The following CPAMD8 variants were observed in gnomAD, a reference collection of about 807,000 sequenced individuals.
CPAMD8 encodes C3 and PZP-like alpha-2-macroglobulin domain-containing protein 8.
Under a neutral mutation model 224.7 loss-of-function variants are expected in CPAMD8, and 146 were observed. The ratio of observed to expected loss-of-function variants is 0.65; its 90% CI spans 0.57 to 0.75. The LOEUF (loss-of-function observed/expected upper bound fraction) is 0.75, where lower values mean the gene tolerates loss of function less well. Ranked by LOEUF, CPAMD8 falls within the 30% of genes least tolerant of loss-of-function variation. The pLI is 0.00. For synonymous variants in CPAMD8, 966 were observed against 1,044.6 expected (o/e 0.92, Z 1.45); for missense variants, 2,301 against 2,537.5 (o/e 0.91, Z 2.00).
At position 16,899,704 on chromosome 19, in the gene CPAMD8, C is replaced by G. The variant is rs562657793; in HGVS notation, c.4774-155G>C. On this transcript the variant is annotated intron_variant, in intron 36 of 41. Transcript: ENST00000443236. This position sits in a 1 kb window ranked among gnomAD's most constrained non-coding sequence, Gnocchi z 5.4. The stretch of plus-strand genomic sequence containing the variant: ...GTCAGTGCTCCCCAGGCCCTGCCAG[C>G]CTCTCAGCACCCAGGAGAGGACGCT... Among the ~76,000 whole-genome samples, 10 of 152,152 alleles carry G rather than the reference C, an allele frequency of 6.6e-5. No individual in the cohort carries two copies. The highest frequency in any genetic ancestry group is 2.6e-4 in the Admixed American group (4 of 15,274).
chr19:16,947,152 T>A lies in CPAMD8; in HGVS notation c.2584A>T (p.Met862Leu), dbSNP rs1485485045. Residue 862 changes from methionine (M) to leucine (L), a missense_variant, in exon 21 of 42, where the codon ATG (methionine) becomes TTG (leucine). Around this residue, in one of 4 missense-constraint regions of CPAMD8, gnomAD observed 1,709 missense variants for 1,753.2 expected, o/e 0.97. Coordinates refer to ENST00000443236, the MANE Select transcript of CPAMD8 (RefSeq NM_015692.5). The part of the protein sequence containing the change: ...HPGKRHVTKK[M>L]CVAPGEAEPI... ...TCAGCCTCCCCGGGGGCCACACACA[T>A]CTTCTTGGTCACATGGCGTTTGCCA... is the stretch of plus-strand genomic sequence containing the variant. 21 of 1,613,808 alleles carry A rather than the reference T, an allele frequency of 1.3e-5. No individual in the cohort carries two copies. Among genetic ancestry groups the A allele is most frequent in the Non-Finnish European group, 1.8e-5 (21 of 1,179,824 alleles).
intron 19 of CPAMD8, among the ~76,000 whole-genome samples, chr19:16,955,832 A>G (rs1193096156): frequency 1.3e-5 from 2 of 151,946 alleles, no homozygotes; most frequent in African/African-American, 2.4e-5. Flanking sequence ...ATGTGCCACC[A>G]CACCTGGCTA....
At chr19:17,008,626 A>C in intron 6 of CPAMD8, 67 bp from the exon 7 acceptor site, 1 of 1,544,408 alleles carries the variant, frequency 6.5e-7, no homozygotes, top group Non-Finnish European at 9.0e-7. Context: ...TGCCCAATGT[A>C]AGGATTTTCC....
chr19:16,945,879 G>C (rs1568509861), intron 21 of CPAMD8, among the ~76,000 whole-genome samples, 200 bp from the exon 22 acceptor site: 1 of 152,186 alleles, frequency 6.6e-6, no homozygotes, highest in African/African-American at 2.4e-5. Context: ...ACAGGCTCAT[G>C]TGTGCATATG....
chr19:16,996,448 G>T (rs2056125727), intron 11 of CPAMD8, among the ~76,000 whole-genome samples: 1 of 152,144 alleles, frequency 6.6e-6, no homozygotes, highest in Non-Finnish European at 1.5e-5. Flanking sequence ...TGTCACATGG[G>T]TCTGCACCTG....
intron 24 of CPAMD8, among the ~76,000 whole-genome samples, chr19:16,928,624 G>A (rs964099148): frequency 6.6e-6 from 1 of 152,062 alleles, no homozygotes. Context: ...AGCTGTGTTA[G>A]CTTCTATATC....
chr19:16,942,209 CCCAGCACTTTGGGAGA>C (rs765389110), intron 22 of CPAMD8, among the ~76,000 whole-genome samples: 14 of 152,138 alleles, frequency 9.2e-5, no homozygotes, highest in Non-Finnish European at 1.5e-4. Context: ...TGCCTGTAAT[CCCAGCACTTTGGGAGA>C]CCGAGGCGGG....
Position 16,895,577 on chromosome 19 carries a change from G to C in CPAMD8, c.5426+599C>G, listed in dbSNP as rs2144672208. On this transcript the variant is annotated intron_variant, in intron 41 of 41. Transcript: ENST00000443236. ...CAGCTGGAAGGATCCTGTGCAGATGGGCTGTTTGTTGACTATGGTTGAGAT... is the reference window on the plus strand; with the variant it reads ...CAGCTGGAAGGATCCTGTGCAGATGCGCTGTTTGTTGACTATGGTTGAGAT... 1.4e-5 allele frequency: 4 copies of C among 293,490 alleles called. 1 individual carries two copies. The highest frequency in any genetic ancestry group is 1.2e-4 in the South Asian group (4 of 32,950). The allele number at this position is 293,490 out of a possible 1,614,324, so 18.2% of individuals were successfully genotyped here. A position where few individuals can be genotyped will look rare whatever the true frequency, so the allele number is the denominator to read the frequency against.
Position 16,954,176 on chromosome 19 carries a change from T to G in CPAMD8, c.2277-1976A>C, listed in dbSNP as rs191820594. Among the ~76,000 whole-genome samples the G allele has an allele frequency of 1.1e-3, 160 of 151,966 alleles. 1 individual carries two copies. The highest frequency in any genetic ancestry group is 3.7e-3 in the African/African-American group (153 of 41,430). On this transcript the variant is annotated intron_variant, in intron 19 of 41. Coordinates refer to ENST00000443236, the MANE Select transcript of CPAMD8 (RefSeq NM_015692.5). Reference sequence around the variant, plus strand: ...GGTGAAACCCCGTCTCTACTAAAAATACGAAAATTAGCCAGGTGTGGTGGT... The same window carrying G: ...GGTGAAACCCCGTCTCTACTAAAAAGACGAAAATTAGCCAGGTGTGGTGGT...
chr19:16,962,006 G>T (rs368730941), intron 18 of CPAMD8, among the ~76,000 whole-genome samples: 2 of 150,346 alleles, frequency 1.3e-5, no homozygotes, highest in South Asian at 2.1e-4. Context: ...TCAACAAAAA[G>T]GACATCTACA....
Position 17,010,221 on chromosome 19 carries a change from C to G in CPAMD8, c.487-901G>C, listed in dbSNP as rs185134377. ...TGTCAATGTCAAAATTATTTTCCTC[C>G]TCTTTTTTTTTTGGTTTTTCGTTTT... On this transcript the variant is annotated intron_variant, in intron 5 of 41. Transcript: ENST00000443236. 1.8e-4 allele frequency among the ~76,000 whole-genome samples: 27 copies of G among 150,976 alleles called. No individual in the cohort carries two copies. The East Asian group carries it at 2.5e-3, about 14-fold the overall frequency.
At chr19:17,013,977 A>T (rs1231727548) in intron 3 of CPAMD8, among the ~76,000 whole-genome samples, 2 of 103,114 alleles carry the variant, frequency 1.9e-5, no homozygotes, top group African/African-American at 3.6e-5. Context: ...CCTTCCTTCC[A>T]TCCTTCCTAC....
At chr19:16,943,160 T>C (rs1475914722) in intron 22 of CPAMD8, among the ~76,000 whole-genome samples, 3 of 151,716 alleles carry the variant, frequency 2.0e-5, no homozygotes, top group African/African-American at 7.3e-5. Flanking sequence ...GGACTACAGG[T>C]GTGTGCCACC....
rs1039444259 is a variant in CPAMD8, at chr19:16,898,637, C to T, written c.4849-643G>A. ...CCACTCCCCCAGCCCCTGGCAACCA[C>T]AAATCTTTCCAACTCTACGGATTTG... On this transcript the variant is annotated intron_variant, in intron 37 of 41. Coordinates refer to ENST00000443236, the MANE Select transcript of CPAMD8 (RefSeq NM_015692.5). The surrounding 1 kb of genome is among the most constrained non-coding windows in gnomAD (Gnocchi z 4.2). 2.0e-4 allele frequency among the ~76,000 whole-genome samples: 30 copies of T among 152,186 alleles called. No homozygotes were observed. Among genetic ancestry groups the T allele is most frequent in the African/African-American group, 7.2e-4 (30 of 41,444 alleles).
At chr19:16,914,399 C>A in intron 29 of CPAMD8, 25 bp downstream of exon 29, 1 of 1,608,352 alleles carries the variant, frequency 6.2e-7, no homozygotes, top group African/African-American at 1.3e-5. Flanking sequence ...AGCCCCGAGT[C>A]TCCCCAAACC....
At position 16,897,794 on chromosome 19, in the gene CPAMD8, C is replaced by A; in HGVS notation, c.4962G>T (p.Glu1654Asp). The change falls in exon 39 of 42, where the codon GAG becomes GAT. Residue 1654 changes from glutamate to aspartate, a missense_variant. Physicochemically the swap from Glu to Asp is conservative, Grantham distance 45. Around this residue, in one of 4 missense-constraint regions of CPAMD8, gnomAD observed 1,709 missense variants for 1,753.2 expected, o/e 0.97. Coordinates refer to ENST00000443236, the MANE Select transcript of CPAMD8 (RefSeq NM_015692.5). The part of the protein sequence containing the change: ...SVYDYYEPAF[E>D]ATRFYNVSTH... ...TGCTGACGTTGTAGAAGCGAGTGGCCTCGAAGGCTACGGGACGAGGGTGGC... is the reference window on the plus strand; with the variant it reads ...TGCTGACGTTGTAGAAGCGAGTGGCATCGAAGGCTACGGGACGAGGGTGGC... 1 of 1,584,372 alleles carries A rather than the reference C, an allele frequency of 6.3e-7. No homozygotes were observed.
At chr19:17,017,379 A>G (rs1355030780) in intron 3 of CPAMD8, among the ~76,000 whole-genome samples, 1 of 152,212 alleles carries the variant, frequency 6.6e-6, no homozygotes, top group East Asian at 1.9e-4. Context: ...ATGCCCTTGA[A>G]TCATCCTGAA....
At chr19:17,000,163 T>G in intron 10 of CPAMD8, 1 of 386,822 alleles carries the variant, frequency 2.6e-6, no homozygotes, top group Non-Finnish European at 4.6e-6. Flanking sequence ...CATATAACTG[T>G]TTTAGAAAGT....
chr19:17,018,774 T>C (rs2056878563), intron 3 of CPAMD8, among the ~76,000 whole-genome samples: 1 of 150,266 alleles, frequency 6.7e-6, no homozygotes, highest in Admixed American at 6.6e-5. Context: ...CCAGTCTTGA[T>C]GGTGCATGCC....
Sources: gnomAD v4.1 joint callset for allele counts (sites outside exome capture counted in the v4.1 genomes callset) on GRCh38, gnomAD v4.1.1 for gene constraint, gnomAD v4.1.1 regional missense constraint, Gnocchi (gnomAD v3.1) non-coding constraint, MANE v1.5 for transcripts, NCBI Gene and HGNC (gene_info 2026-07-23, HGNC 2026-07-21) for gene names.